SCARB1: variants seen among roughly 807,000 people sequenced by gnomAD.
The protein encoded by SCARB1 is CD36 and LIMPII analogous 1.
SCARB1 carries 30 observed loss-of-function variants against 57.2 expected under a neutral mutation model. The ratio of observed to expected loss-of-function variants is 0.52; its 90% CI spans 0.39 to 0.71. The LOEUF (loss-of-function observed/expected upper bound fraction) is 0.71, where lower values mean the gene tolerates loss of function less well. SCARB1 is among the 30% of genes least tolerant of loss of function. The pLI, the probability that SCARB1 is intolerant of heterozygous loss-of-function variation, is 0.00. For missense variants in SCARB1, 543 were observed against 671.2 expected (o/e 0.81, Z 2.11); for synonymous variants, 249 against 268.3 (o/e 0.93, Z 0.70).
intron 11 of SCARB1, chr12:124,783,137 G>A (rs1257984524): frequency 3.1e-5 from 10 of 322,474 alleles, no homozygotes; most frequent in Non-Finnish European, 4.6e-5. Flanking sequence ...CTGGGGGGCT[G>A]TTTAAAATCA....
At position 124,817,489 on chromosome 12, in the gene SCARB1, G is replaced by A; in HGVS notation, c.284+61C>T. 1 of 1,566,712 alleles carries A rather than the reference G, an allele frequency of 6.4e-7. No homozygotes were observed. Among genetic ancestry groups the A allele is most frequent in the Non-Finnish European group, 8.7e-7 (1 of 1,147,132 alleles). ...GCAGCCTCCCCATCCCGTCCACTCT[G>A]AGACCCCTCCCCTGCCCAGCCTCAG... On this transcript the variant is annotated intron_variant, in intron 2 of 12. Coordinates refer to ENST00000261693, the MANE Select transcript of SCARB1 (RefSeq NM_005505.5). This position sits in a 1 kb window ranked among gnomAD's most constrained non-coding sequence, Gnocchi z 4.8.
Position 124,810,930 on chromosome 12 carries a change from G to T in SCARB1, c.727-641C>A, listed in dbSNP as rs746982479. On this transcript the variant is annotated intron_variant, in intron 5 of 12. Transcript: ENST00000261693. The surrounding 1 kb of genome is among the most constrained non-coding windows in gnomAD (Gnocchi z 4.0). ...GTGATTTTTGCCACTCTGGGCACCG[G>T]TTGGGGTACGATTTGTCCCTAGCCC... Among the ~76,000 whole-genome samples the T allele has an allele frequency of 2.0e-5, 3 of 152,344 alleles. No homozygotes were observed. The South Asian group carries it at 6.2e-4, about 32-fold the overall frequency.
chr12:124,823,068 G>A (rs1345736476), intron 1 of SCARB1, among the ~76,000 whole-genome samples: 1 of 152,186 alleles, frequency 6.6e-6, no homozygotes, highest in Non-Finnish European at 1.5e-5. Flanking sequence ...CCATTTATGT[G>A]ACGTTCTAAA....
rs1379363581 is a variant in SCARB1, at chr12:124,796,545, C to G, written c.1129-1277G>C. On this transcript the variant is annotated intron_variant, in intron 8 of 12. Transcript: ENST00000261693. The surrounding 1 kb of genome is among the most constrained non-coding windows in gnomAD (Gnocchi z 4.0). ...GAGAACTGCAGTTGGTTCTTCTTAACTGAGAGTCGCGTCCTCATCTGTAAA... is the reference window on the plus strand; with the variant it reads ...GAGAACTGCAGTTGGTTCTTCTTAAGTGAGAGTCGCGTCCTCATCTGTAAA... Among the ~76,000 whole-genome samples, 1 of 152,216 alleles carries G rather than the reference C, an allele frequency of 6.6e-6. No individual in the cohort carries two copies. Among genetic ancestry groups the G allele is most frequent in the African/African-American group, 2.4e-5 (1 of 41,458 alleles).
Position 124,845,278 on chromosome 12 carries a change from C to T in SCARB1, c.126+18317G>A, listed in dbSNP as rs570945831. Among the ~76,000 whole-genome samples the T allele has an allele frequency of 1.6e-4, 25 of 152,332 alleles. 1 individual carries two copies. In the South Asian group the frequency reaches 4.6e-3, roughly 28 times the overall value. On this transcript the variant is annotated intron_variant, in intron 1 of 12. Transcript: ENST00000261693. ...ATGCAGTGCACCCGCACCGTGGAGGCCTGCTCAGCTACAAAAAGGAAAGCA... is the reference window on the plus strand; with the variant it reads ...ATGCAGTGCACCCGCACCGTGGAGGTCTGCTCAGCTACAAAAAGGAAAGCA...
At chr12:124,831,526 G>A (rs1015167145) in intron 1 of SCARB1, among the ~76,000 whole-genome samples, 1 of 152,134 alleles carries the variant, frequency 6.6e-6, no homozygotes, top group South Asian at 2.1e-4. Flanking sequence ...CCCAATCAGG[G>A]TCCCAGTGCC....
rs928124784 is a variant in SCARB1, at chr12:124,795,043, T to C, written c.1202+152A>G. ...AAACCAAGACCCCTCAGGGAGAAGA[T>C]CAGCAGGGACTGGATTCCACCCCCA... On this transcript the variant is annotated intron_variant, in intron 9 of 12. Transcript: ENST00000261693. 5.5e-6 allele frequency: 4 copies of C among 728,526 alleles called. No individual in the cohort carries two copies. In the Admixed American group the frequency reaches 7.4e-5, roughly 13 times the overall value. 45.1% of individuals were successfully genotyped at this position (728,526 alleles called of 1,614,324 possible).
At chr12:124,862,656 C>T (rs1249682138) in intron 1 of SCARB1, among the ~76,000 whole-genome samples, 4 of 149,150 alleles carry the variant, frequency 2.7e-5, no homozygotes, top group Non-Finnish European at 5.9e-5. Flanking sequence ...TAAGAGTGAG[C>T]CCCAGTTTCC....
Position 124,789,962 on chromosome 12 carries a change from G to C in SCARB1, c.1203-2505C>G, listed in dbSNP as rs1949662313. Among the ~76,000 whole-genome samples, 2 of 144,808 alleles carry C rather than the reference G, an allele frequency of 1.4e-5. No individual in the cohort carries two copies. Among genetic ancestry groups the C allele is most frequent in the East Asian group, 2.3e-4 (1 of 4,364 alleles). 95.0% of individuals were successfully genotyped at this position (144,808 alleles called of 152,430 possible). ...GGAGTCAGAGGTTGCAGTGAGCGGA[G>C]ATCATGCCATTGCACTCCAGCCTGG... On this transcript the variant is annotated intron_variant, in intron 9 of 12. Transcript: ENST00000261693. This position sits in a 1 kb window ranked among gnomAD's most constrained non-coding sequence, Gnocchi z 4.4.
At chr12:124,798,281 T>G (rs994464534) in intron 8 of SCARB1, among the ~76,000 whole-genome samples, 3 of 152,120 alleles carry the variant, frequency 2.0e-5, no homozygotes, top group African/African-American at 7.2e-5. Context: ...TGTGGTGGTG[T>G]GTGCCTTTAA....
chr12:124,863,616 G>T lies in SCARB1; in HGVS notation c.105C>A (p.Leu35=). The T allele has an allele frequency of 6.2e-7, 1 of 1,602,358 alleles. No individual in the cohort carries two copies. The highest frequency in any genetic ancestry group is 2.3e-5 in the East Asian group (1 of 44,100). The part of the protein sequence containing the change: ...GAVMIVMVPS[L]IKQQVLKNVR... ...CCACCTTAAGGACCTGCTGCTTGAT[G>T]AGCGACGGCACCATCACGATCATGA... Residue 35 remains leucine (L), a synonymous_variant, in exon 1 of 13, where the codon CTC becomes CTA. Coordinates refer to ENST00000261693, the MANE Select transcript of SCARB1 (RefSeq NM_005505.5).
intron 9 of SCARB1, among the ~76,000 whole-genome samples, chr12:124,792,987 C>G (rs1949786234): frequency 6.6e-6 from 1 of 152,014 alleles, no homozygotes; most frequent in African/African-American, 2.4e-5. Flanking sequence ...GCGGTGGAAC[C>G]AGAGGGAGGA....
Position 124,805,608 on chromosome 12 carries a change from G to C in SCARB1, c.1009+2153C>G, listed in dbSNP as rs1566169648. On this transcript the variant is annotated intron_variant, in intron 7 of 12. Coordinates refer to ENST00000261693, the MANE Select transcript of SCARB1 (RefSeq NM_005505.5). ...TGGGTCTTCCTCTGTTGCCCAGGCT[G>C]GAGTGCAGTGGGGTGATCACAGCTC... 2.0e-5 allele frequency among the ~76,000 whole-genome samples: 3 copies of C among 152,140 alleles called. No homozygotes were observed. In the South Asian group the frequency reaches 6.2e-4, roughly 32 times the overall value.
At chr12:124,860,649 A>T (rs1489278371) in intron 1 of SCARB1, among the ~76,000 whole-genome samples, 2 of 152,202 alleles carry the variant, frequency 1.3e-5, no homozygotes, top group Admixed American at 6.5e-5. Context: ...AACTGAGCAC[A>T]CCTGCTCCCA....
At position 124,817,196 on chromosome 12, in the gene SCARB1, G is replaced by A. The variant is rs933713953; in HGVS notation, c.284+354C>T. Reference sequence around the variant, plus strand: ...TCACACATGCACCCTCCACCCAGACGCACACCATTGGTCCCTCCCTGCTCC... The same window carrying A: ...TCACACATGCACCCTCCACCCAGACACACACCATTGGTCCCTCCCTGCTCC... On this transcript the variant is annotated intron_variant, in intron 2 of 12. Transcript: ENST00000261693. The surrounding 1 kb of genome is among the most constrained non-coding windows in gnomAD (Gnocchi z 4.8). Among the ~76,000 whole-genome samples the A allele has an allele frequency of 2.0e-5, 3 of 151,004 alleles. No homozygotes were observed. Among genetic ancestry groups the A allele is most frequent in the Admixed American group, 6.6e-5 (1 of 15,142 alleles).
At chr12:124,797,946 C>T (rs1950001564) in intron 8 of SCARB1, among the ~76,000 whole-genome samples, 1 of 152,214 alleles carries the variant, frequency 6.6e-6, no homozygotes, top group Non-Finnish European at 1.5e-5. Flanking sequence ...GATCAGTGAT[C>T]CCACTGCCGG....
intron 9 of SCARB1, among the ~76,000 whole-genome samples, chr12:124,792,665 T>C (rs978156277): frequency 7.4e-6 from 1 of 134,630 alleles, no homozygotes; most frequent in African/African-American, 2.9e-5. Context: ...GAGGTTGCAG[T>C]GAGCTGAGAT....
In SCARB1 at chr12:124,807,680, A is replaced by T; in HGVS notation, c.1009+81T>A. On this transcript the variant is annotated intron_variant, in intron 7 of 12. Transcript: ENST00000261693. This position sits in a 1 kb window ranked among gnomAD's most constrained non-coding sequence, Gnocchi z 5.3. ...AGAGTACAGAGGCCAGAGATTAAGCAGACAGCACTGGGCAGATAAACCCTC... is the reference window on the plus strand; with the variant it reads ...AGAGTACAGAGGCCAGAGATTAAGCTGACAGCACTGGGCAGATAAACCCTC... The T allele has an allele frequency of 7.4e-7, 1 of 1,347,676 alleles. No individual in the cohort carries two copies. The highest frequency in any genetic ancestry group is 1.1e-6 in the Non-Finnish European group (1 of 948,166). 83.5% of individuals were successfully genotyped at this position (1,347,676 alleles called of 1,614,324 possible).
chr12:124,778,662 C>T (rs539762113), intron 12 of SCARB1, 76 bp from the exon 13 acceptor site: 2 of 1,317,762 alleles, frequency 1.5e-6, no homozygotes, highest in East Asian at 3.1e-5. Flanking sequence ...CCCACCACAG[C>T]CCTGTACCCA....
Sources: allele counts gnomAD v4.1 joint callset (sites outside exome capture counted in the v4.1 genomes callset), GRCh38; gene constraint gnomAD v4.1.1; non-coding constraint Gnocchi (gnomAD v3.1); transcripts MANE v1.5; gene names NCBI Gene and HGNC (gene_info 2026-07-23, HGNC 2026-07-21).